Variants in SGCD observed in about 807,000 individuals in gnomAD.
The protein encoded by SGCD is sarcoglycan delta, also known as delta-sarcoglycan.
SGCD carries 18 observed loss-of-function variants against 36.6 expected under a neutral mutation model. The ratio of observed to expected loss-of-function variants is 0.49; its 90% CI spans 0.34 to 0.73. SGCD has a LOEUF of 0.73. SGCD is among the 30% of genes least tolerant of loss of function. SGCD has a pLI of 0.01. For synonymous variants in SGCD, 133 were observed against 130.6 expected (o/e 1.02, Z -0.12); for missense variants, 387 against 346.7 (o/e 1.12, Z -0.92).
chr5:156,171,051 A>AT (rs556647773), intron 3 of SGCD, among the ~76,000 whole-genome samples: 127 of 151,630 alleles, frequency 8.4e-4, no homozygotes, highest in Middle Eastern at 6.8e-3. Context: ...TGTCGACATG[A>AT]TTTTTTTTTC....
the SGCD span, among the ~76,000 whole-genome samples, chr5:155,754,532 T>G: frequency 6.6e-6 from 1 of 152,184 alleles, no homozygotes; most frequent in Non-Finnish European, 1.5e-5. Flanking sequence ...GAGATAACAT[T>G]AGTTGCAGCA....
chr5:156,043,349 A>G (rs186528643), intron 1 of SGCD, among the ~76,000 whole-genome samples: 6 of 152,280 alleles, frequency 3.9e-5, no homozygotes, highest in African/African-American at 1.4e-4. Context: ...ACAATTTCAC[A>G]TTGTTATTTT....
intron 3 of SGCD, among the ~76,000 whole-genome samples, chr5:156,471,981 A>G (rs1445175073): frequency 1.3e-5 from 2 of 151,248 alleles, no homozygotes; most frequent in African/African-American, 2.5e-5. Context: ...AAGAAGATTT[A>G]TGAATGGCCA....
At chr5:156,291,366 A>G (rs1256313742) in intron 3 of SGCD, among the ~76,000 whole-genome samples, 2 of 152,126 alleles carry the variant, frequency 1.3e-5, no homozygotes, top group African/African-American at 4.8e-5. Context: ...TGTACCCCAT[A>G]AATATGTAAA....
intron 1 of SGCD, among the ~76,000 whole-genome samples, chr5:156,080,425 T>G (rs550537033): frequency 6.6e-6 from 1 of 152,380 alleles, no homozygotes; most frequent in African/African-American, 2.4e-5. Context: ...AATTTATGCC[T>G]TGAAAACTTG....
intron 1 of SGCD, among the ~76,000 whole-genome samples, chr5:155,930,110 A>C (rs1479825744): frequency 6.6e-6 from 1 of 151,882 alleles, no homozygotes; most frequent in African/African-American, 2.4e-5. Context: ...GCCCTTTTCA[A>C]CTCTCCACCC....
chr5:156,332,545 C>T lies in SGCD; in HGVS notation c.3+2966C>T, dbSNP rs1304466121. 2.0e-5 allele frequency among the ~76,000 whole-genome samples: 3 copies of T among 152,148 alleles called. No homozygotes were observed. In the East Asian group the frequency reaches 5.8e-4, roughly 29 times the overall value. On this transcript the variant is annotated intron_variant, in intron 2 of 8. Transcript: ENST00000337851. Reference sequence around the variant, plus strand: ...GAAAGCAGACGGTTATTTGAGTGACCATGTTCTCTGTTCTCTCAAGGGTGG... The same window carrying T: ...GAAAGCAGACGGTTATTTGAGTGACTATGTTCTCTGTTCTCTCAAGGGTGG...
the SGCD span, among the ~76,000 whole-genome samples, chr5:155,781,926 T>C: frequency 6.6e-6 from 1 of 152,254 alleles, no homozygotes; most frequent in South Asian, 2.1e-4. Context: ...TGGTTTGTCT[T>C]GAAACAGGGG....
chr5:156,089,899 A>T (rs1334508939), intron 1 of SGCD, among the ~76,000 whole-genome samples: 1 of 152,276 alleles, frequency 6.6e-6, no homozygotes, highest in Non-Finnish European at 1.5e-5. Context: ...GAGCGAAATT[A>T]TTCCATAGGC....
intron 3 of SGCD, among the ~76,000 whole-genome samples, chr5:156,168,574 G>A (rs548910770): frequency 7.9e-5 from 12 of 152,222 alleles, no homozygotes; most frequent in African/African-American, 1.2e-4. Flanking sequence ...CCCAGAAAAG[G>A]CTCACAACAC....
At chr5:155,959,646 T>G (rs1451379059) in intron 1 of SGCD, among the ~76,000 whole-genome samples, 1 of 152,138 alleles carries the variant, frequency 6.6e-6, no homozygotes, top group East Asian at 1.9e-4. Context: ...AAGTAATATT[T>G]TATACATACA....
chr5:156,151,603 A>G (rs1762836983), intron 3 of SGCD, among the ~76,000 whole-genome samples: 1 of 151,544 alleles, frequency 6.6e-6, no homozygotes, highest in South Asian at 2.1e-4. Flanking sequence ...TTCTTCTTAG[A>G]GTAAAAGGAC....
intron 3 of SGCD, among the ~76,000 whole-genome samples, chr5:156,402,648 C>T (rs1772215567): frequency 6.6e-6 from 1 of 152,192 alleles, no homozygotes; most frequent in African/African-American, 2.4e-5. Context: ...TGCAAGAATG[C>T]TTGCATGTCT....
intron 1 of SGCD, among the ~76,000 whole-genome samples, chr5:156,083,810 G>T (rs10040960): frequency 0.028 from 4,267 of 150,766 alleles, 202 homozygotes; most frequent in African/African-American, 0.097. Context: ...TTGTTTGTTT[G>T]TTTGTTTGTT....
intron 3 of SGCD, among the ~76,000 whole-genome samples, chr5:156,381,085 ATC>A (rs1770950163): frequency 6.6e-6 from 1 of 152,214 alleles, no homozygotes; most frequent in Admixed American, 6.5e-5. Flanking sequence ...AGACAAAAAC[ATC>A]TCAGGAAGAA....
At chr5:155,750,377 G>A in the SGCD span, among the ~76,000 whole-genome samples, 1 of 152,170 alleles carries the variant, frequency 6.6e-6, no homozygotes, top group East Asian at 1.9e-4. Context: ...CCATAGGGGA[G>A]AGAGTTTGTT....
chr5:156,683,855 A>G (rs1753809663), intron 7 of SGCD, among the ~76,000 whole-genome samples: 2 of 152,360 alleles, frequency 1.3e-5, no homozygotes, highest in Admixed American at 6.5e-5. Context: ...CAGCACACAG[A>G]GACATCTAAT....
chr5:156,206,358 T>C (rs555368037), intron 3 of SGCD, among the ~76,000 whole-genome samples: 1 of 152,014 alleles, frequency 6.6e-6, no homozygotes, highest in East Asian at 1.9e-4. Flanking sequence ...TGTGGACATA[T>C]TTTTTTGGAT....
the SGCD span, among the ~76,000 whole-genome samples, chr5:155,745,140 G>GA: frequency 2.6e-5 from 4 of 151,890 alleles, no homozygotes; most frequent in South Asian, 6.2e-4. Context: ...TTAATAATAG[G>GA]AAAAAAATAA....
Sources: gnomAD v4.1 joint callset for allele counts (sites outside exome capture counted in the v4.1 genomes callset) on GRCh38, gnomAD v4.1.1 for gene constraint, MANE v1.5 for transcripts, NCBI Gene and HGNC (gene_info 2026-07-23, HGNC 2026-07-21) for gene names.